The following DOCK10 variants were observed in gnomAD, a reference collection of about 807,000 sequenced individuals.
DOCK10 encodes dedicator of cytokinesis 10.
A neutral mutation model predicts 280.1 loss-of-function variants in DOCK10; 145 were observed. That is an observed-to-expected ratio of 0.52 (90% CI 0.45 to 0.59). The LOEUF is 0.59. DOCK10 is among the 20% of genes least tolerant of loss of function. The pLI is 0.00. For synonymous variants in DOCK10, 915 were observed against 942.2 expected, an observed-to-expected ratio of 0.97 and a Z score of 0.53; for missense variants, 2,368 against 2,651.7, an observed-to-expected ratio of 0.89 and a Z score of 2.35.
At chr2:224,813,804 A>G (rs1693945630) in intron 31 of DOCK10, among the ~76,000 whole-genome samples, 1 of 152,188 alleles carries the variant, frequency 6.6e-6, no homozygotes, top group Non-Finnish European at 1.5e-5. Context: ...TACATTTCTC[A>G]CTGACATAGT....
chr2:224,884,095 T>C (rs1428531053), intron 7 of DOCK10, among the ~76,000 whole-genome samples: 1 of 152,244 alleles, frequency 6.6e-6, no homozygotes, highest in Non-Finnish European at 1.5e-5. Context: ...AAGGTCATTA[T>C]TGCCCTTTCC....
chr2:224,806,321 C>T (rs952426340), intron 33 of DOCK10, 84 bp from the exon 34 acceptor site: 1 of 656,248 alleles, frequency 1.5e-6, no homozygotes, highest in East Asian at 3.0e-5. Flanking sequence ...CGTTACACTT[C>T]CAATTAAGTG....
At chr2:224,887,948 C>A (rs918221803) in intron 4 of DOCK10, among the ~76,000 whole-genome samples, 2 of 152,124 alleles carry the variant, frequency 1.3e-5, no homozygotes, top group African/African-American at 4.8e-5. Flanking sequence ...CCTCTCACCC[C>A]TGGTAACTGT....
At chr2:224,937,696 T>C (rs1009375060) in intron 1 of DOCK10, among the ~76,000 whole-genome samples, 1 of 152,146 alleles carries the variant, frequency 6.6e-6, no homozygotes, top group Non-Finnish European at 1.5e-5. Context: ...TATCAGCAAA[T>C]GAAAGTGACT....
chr2:224,883,868 T>C (rs1699115286), intron 7 of DOCK10, among the ~76,000 whole-genome samples: 1 of 152,206 alleles, frequency 6.6e-6, no homozygotes, highest in East Asian at 1.9e-4. Flanking sequence ...AAACTTAATA[T>C]ATAACAAAAG....
chr2:224,941,641 C>T (rs539453502), intron 1 of DOCK10, among the ~76,000 whole-genome samples: 3 of 152,038 alleles, frequency 2.0e-5, no homozygotes, highest in Admixed American at 6.5e-5. Flanking sequence ...GTCAGGAGTG[C>T]GAGACCAGCC....
intron 7 of DOCK10, among the ~76,000 whole-genome samples, chr2:224,879,663 C>T (rs1441988499): frequency 6.6e-6 from 1 of 151,896 alleles, no homozygotes; most frequent in Non-Finnish European, 1.5e-5. Context: ...GAGGCTGAGG[C>T]AGGAAAGTTA....
At chr2:224,967,260 T>G (rs1434273548) in intron 1 of DOCK10, among the ~76,000 whole-genome samples, 1 of 152,108 alleles carries the variant, frequency 6.6e-6, no homozygotes, top group African/African-American at 2.4e-5. Context: ...TTCTGTATTT[T>G]CAGTAGAGAC....
intron 1 of DOCK10, among the ~76,000 whole-genome samples, chr2:225,041,222 A>C (rs1173911797): frequency 1.3e-5 from 2 of 151,996 alleles, no homozygotes; most frequent in African/African-American, 4.8e-5. Context: ...ACACTTTCAC[A>C]CTCTTAAAAA....
intron 1 of DOCK10, among the ~76,000 whole-genome samples, chr2:225,041,238 G>T (rs557461035): frequency 1.3e-5 from 2 of 152,266 alleles, no homozygotes; most frequent in East Asian, 3.9e-4. Context: ...AAAAAGAGCC[G>T]TTTAGTTCCT....
intron 2 of DOCK10, among the ~76,000 whole-genome samples, chr2:224,917,039 T>C (rs1701368794): frequency 7.4e-6 from 1 of 135,946 alleles, no homozygotes; most frequent in Admixed American, 7.0e-5. Context: ...CTGTTCCCCC[T>C]TTGCAGAAAA....
intron 15 of DOCK10, among the ~76,000 whole-genome samples, chr2:224,856,641 A>G (rs1697164134): frequency 6.6e-6 from 1 of 152,248 alleles, no homozygotes; most frequent in Non-Finnish European, 1.5e-5. Context: ...GTTACACAGC[A>G]GTAAATAACT....
intron 50 of DOCK10, among the ~76,000 whole-genome samples, chr2:224,780,536 T>TGTAAAATTTTTCCCC (rs1691249897): frequency 6.6e-6 from 1 of 152,200 alleles, no homozygotes; most frequent in Non-Finnish European, 1.5e-5. Context: ...ACATTTTCAC[T>TGTAAAATTTTTCCCC]GTAAAATTTT....
chr2:224,771,917 CTTTTT>C (rs35364268), intron 53 of DOCK10, among the ~76,000 whole-genome samples: 2 of 141,398 alleles, frequency 1.4e-5, no homozygotes, highest in South Asian at 4.4e-4. Flanking sequence ...TTTTCTTTGG[CTTTTT>C]TTTTTTTTTA....
intron 26 of DOCK10, among the ~76,000 whole-genome samples, chr2:224,833,182 T>C (rs1035787723): frequency 6.6e-6 from 1 of 152,088 alleles, no homozygotes; most frequent in African/African-American, 2.4e-5. Flanking sequence ...TAAACCAAGG[T>C]CAGCTTGGTT....
Position 224,869,813 on chromosome 2 carries a change from G to A in DOCK10, c.1257+4183C>T, listed in dbSNP as rs561026541. Among the ~76,000 whole-genome samples the A allele has an allele frequency of 2.0e-5, 3 of 152,242 alleles. No individual in the cohort carries two copies. In the South Asian group the frequency reaches 6.2e-4, roughly 32 times the overall value. ...TTCTGAATATGGGTCTTAGTACAAA[G>A]AAAGGAATTCACGTGGAAGGAGTCA... On this transcript the variant is annotated intron_variant, in intron 11 of 55. Transcript: ENST00000258390.
chr2:224,990,030 C>G (rs1386218919), intron 1 of DOCK10, among the ~76,000 whole-genome samples: 2 of 152,158 alleles, frequency 1.3e-5, no homozygotes, highest in Non-Finnish European at 2.9e-5. Context: ...GAAAAAAGCA[C>G]ACTGTTCTTT....
rs111583566 is a variant in DOCK10, at chr2:224,794,615, G to C, written c.5154+264C>G. Among the ~76,000 whole-genome samples the C allele has an allele frequency of 5.8e-3, 883 of 152,256 alleles. 6 individuals carry two copies. Among genetic ancestry groups the C allele is most frequent in the Non-Finnish European group, 8.0e-3 (541 of 68,012 alleles). On this transcript the variant is annotated intron_variant, in intron 45 of 55. Coordinates refer to ENST00000258390, the MANE Select transcript of DOCK10 (RefSeq NM_014689.3). ...TTACCACACCCCTCCTTAGCCTCAGGTTTTTAGCATTCAGCGTTGCATTAC... is the reference window on the plus strand; with the variant it reads ...TTACCACACCCCTCCTTAGCCTCAGCTTTTTAGCATTCAGCGTTGCATTAC...
rs533521614 is a variant in DOCK10 at position 224,805,077 on chromosome 2, C to G, written c.4099G>C (p.Asp1367His). 1 of 1,609,876 alleles carries G rather than the reference C, an allele frequency of 6.2e-7. No homozygotes were observed. Among genetic ancestry groups the G allele is most frequent in the Non-Finnish European group, 8.5e-7 (1 of 1,178,242 alleles). Residue 1367 changes from aspartate (D) to histidine (H), a missense_variant, in exon 37 of 56, where the codon GAC becomes CAC. Around this residue, in one of 2 missense-constraint regions of DOCK10, gnomAD observed 1,159 missense variants for 1,400.8 expected, o/e 0.83. Coordinates refer to ENST00000258390, the MANE Select transcript of DOCK10 (RefSeq NM_014689.3). This position sits in a 1 kb window ranked among gnomAD's most constrained non-coding sequence, Gnocchi z 4.3. Reference sequence around the variant, plus strand: ...ACTTACTCCAAGATGCTGAAGAAGTCGGACACCTCTGGGCTGGGAGCTCTC... The same window carrying G: ...ACTTACTCCAAGATGCTGAAGAAGTGGGACACCTCTGGGCTGGGAGCTCTC... ...WQRAPSPEVS[D>H]FFSILDVCLQ...
Sources: gnomAD v4.1 joint callset for allele counts (sites outside exome capture counted in the v4.1 genomes callset) on GRCh38, gnomAD v4.1.1 for gene constraint, gnomAD v4.1.1 regional missense constraint, Gnocchi (gnomAD v3.1) non-coding constraint, MANE v1.5 for transcripts, NCBI Gene and HGNC (gene_info 2026-07-23, HGNC 2026-07-21) for gene names.